Variants in NEMP1 observed in about 807,000 individuals in gnomAD.
The protein encoded by NEMP1 is transmembrane protein 194.
A neutral mutation model predicts 53.7 loss-of-function variants in NEMP1; 29 were observed. The ratio of observed to expected loss-of-function variants is 0.54; its 90% CI spans 0.40 to 0.74. NEMP1 has a LOEUF of 0.74. NEMP1 is among the 30% of genes least tolerant of loss of function. The probability of loss-of-function intolerance (pLI) is 0.00; values close to 1 mark genes in which losing one functional copy is unlikely to be tolerated. For synonymous variants in NEMP1, 193 were observed against 192.9 expected (o/e 1.00, Z 0.00); for missense variants, 477 against 528.6 (o/e 0.90, Z 0.96).
chr12:57,083,505 T>C (rs1048102292), upstream of NEMP1, among the ~76,000 whole-genome samples: 8 of 152,198 alleles, frequency 5.3e-5, no homozygotes, highest in Admixed American at 1.3e-4. Context: ...GAAATCTGGA[T>C]GGTTAATGTG....
At chr12:57,061,822 C>T (rs761212471) in intron 7 of NEMP1, among the ~76,000 whole-genome samples, 3 of 151,394 alleles carry the variant, frequency 2.0e-5, no homozygotes, top group South Asian at 2.1e-4. Context: ...CATAGTGAAA[C>T]GCCATCTCTA....
chr12:57,063,215 C>A lies in NEMP1; in HGVS notation c.884G>T (p.Gly295Val), dbSNP rs2136486286. The A allele has an allele frequency of 6.2e-7, 1 of 1,614,132 alleles. No individual in the cohort carries two copies. ...QLMGLCFMYS[G>V]IQIPHIALAI... The stretch of plus-strand genomic sequence containing the variant: ...AAGGGCAATATGTGGTATCTGGATG[C>A]CAGAATACATGAAACACAGGCCCAT... Residue 295 changes from glycine to valine, a missense_variant, in exon 7 of 9, where the codon GGC (glycine) becomes GTC (valine). Physicochemically the swap from Gly to Val is moderately radical, Grantham distance 109. Transcript: ENST00000300128.
chr12:57,072,863 T>G lies in NEMP1; in HGVS notation c.177A>C (p.Glu59Asp). ...AACAGAATTGTTGGCTGGCACGCTT[T>G]TCACAAACTTGGGATTCCTGAAGCA... ...VVMLQESQVC[E>D]KRASQQFCYT... Residue 59 changes from glutamate (E) to aspartate (D), a missense_variant, in exon 2 of 9, where the codon GAA becomes GAC. Coordinates refer to ENST00000300128, the MANE Select transcript of NEMP1 (RefSeq NM_001130963.2). 6.2e-7 allele frequency: 1 copy of G among 1,613,708 alleles called. No homozygotes were observed. Among genetic ancestry groups the G allele is most frequent in the East Asian group, 2.2e-5 (1 of 44,854 alleles).
Position 57,077,868 on chromosome 12 carries a change from G to C in NEMP1, c.127+751C>G, listed in dbSNP as rs541999479. On this transcript the variant is annotated intron_variant, in intron 1 of 8. Transcript: ENST00000300128. ...GAGGGCCAAGGCGGATGGATCACGA[G>C]GTCAGGAGTTCGAGACCACCCTGGC... Among the ~76,000 whole-genome samples, 25 of 152,200 alleles carry C rather than the reference G, an allele frequency of 1.6e-4. 1 individual carries two copies. In the East Asian group the frequency reaches 3.9e-3, roughly 24 times the overall value.
rs762119893 is a variant in NEMP1 at position 57,070,734 on chromosome 12, T to TTTTTGTGCTG, written c.402_411dup (p.Thr138GlnfsTer9). On this transcript the variant is annotated frameshift_variant, in exon 3 of 9. Transcript: ENST00000300128. LOFTEE classifies it high-confidence loss of function. ...TCTATAATCTCAACTTTGAGGCAGGTTTTTGTGCTGTATAGACCCACGTTA... is the reference window on the plus strand; with the variant it reads ...TCTATAATCTCAACTTTGAGGCAGGTTTTTGTGCTGTTTTGTGCTGTATAGACCCACGTTA... 1 of 1,577,328 alleles carries TTTTTGTGCTG rather than the reference T, an allele frequency of 6.3e-7. No individual in the cohort carries two copies. Among genetic ancestry groups the TTTTTGTGCTG allele is most frequent in the African/African-American group, 1.4e-5 (1 of 73,540 alleles).
rs770112669 is a variant in NEMP1 at position 57,056,369 on chromosome 12, GA to G, written c.*3509del. The stretch of plus-strand genomic sequence containing the variant: ...AATCAATTTCTGCTATGTAGAAAAA[GA>G]AACAAAAGGTTTAGGTGCCTTTGCC... On this transcript the variant is annotated 3_prime_UTR_variant, in exon 9 of 9. Coordinates refer to ENST00000300128, the MANE Select transcript of NEMP1 (RefSeq NM_001130963.2). 2.0e-5 allele frequency: 3 copies of G among 152,142 alleles called. No homozygotes were observed. Among genetic ancestry groups the G allele is most frequent in the Non-Finnish European group, 4.4e-5 (3 of 68,002 alleles). 9.4% of individuals were successfully genotyped at this position (152,142 alleles called of 1,614,324 possible).
At chr12:57,080,091 C>T (rs984668498), upstream of NEMP1, among the ~76,000 whole-genome samples, 1 of 152,176 alleles carries the variant, frequency 6.6e-6, no homozygotes, top group Admixed American at 6.5e-5. Flanking sequence ...TCCCAAGTAG[C>T]TGGGACTACA....
rs776447724 is a variant in NEMP1, at chr12:57,078,689, G to A, written c.57C>T (p.Gly19=). 2 of 1,613,484 alleles carry A rather than the reference G, an allele frequency of 1.2e-6. No homozygotes were observed. The highest frequency in any genetic ancestry group is 1.7e-5 in the Admixed American group (1 of 59,950). Residue 19 remains glycine, a synonymous_variant, in exon 1 of 9, where the codon GGC becomes GGT. Coordinates refer to ENST00000300128, the MANE Select transcript of NEMP1 (RefSeq NM_001130963.2). Reference sequence around the variant, plus strand: ...CTGTCCCACCGCCCCCGACTCCCGAGCCCCAGGGCCCGGGACCAACTGCCG... The same window carrying A: ...CTGTCCCACCGCCCCCGACTCCCGAACCCCAGGGCCCGGGACCAACTGCCG... ...VSPAVGPGPW[G]SGVGGGGTVR...
rs1214265565 is a variant in NEMP1 at position 57,064,092 on chromosome 12, A to T, written c.733T>A (p.Cys245Ser). ...VFKNLQEIWRCYWQYLLSYVL... is the reference protein window; with the variant it reads ...VFKNLQEIWRSYWQYLLSYVL... ...TTACTTAAAAGATACTGCCAGTAAC[A>T]CCTCCAGATCTCTTGTAAATTTTTA... Residue 245 changes from cysteine to serine, a missense_variant, in exon 6 of 9, where the codon TGT (cysteine) becomes AGT (serine). Physicochemically the swap from Cys to Ser is moderately radical, Grantham distance 112 (BLOSUM62 -1). Coordinates refer to ENST00000300128, the MANE Select transcript of NEMP1 (RefSeq NM_001130963.2). 18 of 1,605,942 alleles carry T rather than the reference A, an allele frequency of 1.1e-5. No homozygotes were observed. The highest frequency in any genetic ancestry group is 1.5e-5 in the Non-Finnish European group (18 of 1,175,520).
At chr12:57,070,012 T>C (rs1025134075) in intron 3 of NEMP1, among the ~76,000 whole-genome samples, 1 of 152,052 alleles carries the variant, frequency 6.6e-6, no homozygotes, top group African/African-American at 2.4e-5. Context: ...ACCTATTTCA[T>C]ACTAAACCTA....
rs113696895 is a variant in NEMP1 at position 57,077,358 on chromosome 12, C to T, written c.127+1261G>A. On this transcript the variant is annotated intron_variant, in intron 1 of 8. Transcript: ENST00000300128. ...AAAAAAAAAAAAAAAATTAGCCGGGCGTGGTGGCGGGCAAGTGTAATCCCA... is the reference window on the plus strand; with the variant it reads ...AAAAAAAAAAAAAAAATTAGCCGGGTGTGGTGGCGGGCAAGTGTAATCCCA... Among the ~76,000 whole-genome samples the T allele has an allele frequency of 3.4e-3, 504 of 150,232 alleles. 2 individuals carry two copies. The highest frequency in any genetic ancestry group is 0.012 in the African/African-American group (477 of 40,838).
At chr12:57,064,952 C>T (rs1473640791) in intron 4 of NEMP1, among the ~76,000 whole-genome samples, 1 of 152,152 alleles carries the variant, frequency 6.6e-6, no homozygotes, top group Admixed American at 6.5e-5. Context: ...TTTGGTTTCC[C>T]ACTGCATATA....
intron 4 of NEMP1, 131 bp from the exon 5 acceptor site, chr12:57,064,870 AT>A: frequency 1.7e-6 from 1 of 602,902 alleles, no homozygotes; most frequent in Non-Finnish European, 2.7e-6. Flanking sequence ...CATCAGAGAC[AT>A]TTCAAATTTG....
At chr12:57,062,066 T>A (rs1298780137) in intron 7 of NEMP1, among the ~76,000 whole-genome samples, 1 of 152,196 alleles carries the variant, frequency 6.6e-6, no homozygotes, top group Non-Finnish European at 1.5e-5. Flanking sequence ...CTATCTATAA[T>A]AGACAACTTC....
In NEMP1 at chr12:57,056,647, G is replaced by A. The variant is rs2031538480; in HGVS notation, c.*3232C>T. ...GTACACAGCTAGGAACCATTTTTAC[G>A]TAGGCATCCATCTGAGCCCATCTTG... On this transcript the variant is annotated 3_prime_UTR_variant, in exon 9 of 9. Transcript: ENST00000300128. The A allele has an allele frequency of 6.6e-6, 1 of 151,800 alleles. No individual in the cohort carries two copies. The highest frequency in any genetic ancestry group is 2.4e-5 in the African/African-American group (1 of 41,312). 9.4% of individuals were successfully genotyped at this position (151,800 alleles called of 1,614,324 possible).
At chr12:57,084,829 C>CA (rs1443261833) in intron 1 of NEMP1, among the ~76,000 whole-genome samples, 3 of 152,062 alleles carry the variant, frequency 2.0e-5, no homozygotes, top group African/African-American at 7.2e-5. Flanking sequence ...AGGAATTTGA[C>CA]AGAGAAATTT....
Position 57,058,226 on chromosome 12 carries a change from C to T in NEMP1, c.*1653G>A, listed in dbSNP as rs185576186. The T allele has an allele frequency of 1.3e-5, 2 of 152,328 alleles. No individual in the cohort carries two copies. The highest frequency in any genetic ancestry group is 3.9e-4 in the East Asian group (2 of 5,184). The allele number at this position is 152,328 out of a possible 1,614,324, so 9.4% of individuals were successfully genotyped here. A position where few individuals can be genotyped will look rare whatever the true frequency, so the allele number is the denominator to read the frequency against. On this transcript the variant is annotated 3_prime_UTR_variant, in exon 9 of 9. Transcript: ENST00000300128. ...AAACACTGGTGGAAATAATCAACTG[C>T]CCACCTGGAGGGCAGTCTCAGAGCT...
chr12:57,080,942 A>G (rs1372460637), upstream of NEMP1, among the ~76,000 whole-genome samples: 1 of 152,082 alleles, frequency 6.6e-6, no homozygotes, highest in Non-Finnish European at 1.5e-5. Context: ...GGGCAAGAGA[A>G]GAGATTTCAT....
In NEMP1 at chr12:57,070,733, G is replaced by C. The variant is rs2032305251; in HGVS notation, c.413C>G (p.Thr138Ser). ...CTCTATAATCTCAACTTTGAGGCAG[G>C]TTTTTGTGCTGTATAGACCCACGTT... ...YVNVGLYSTK[T>S]CLKVEIIEKD... Residue 138 changes from threonine to serine, a missense_variant, in exon 3 of 9, where the codon ACC (threonine) becomes AGC (serine). Thr to Ser is a moderately conservative substitution (Grantham distance 58, BLOSUM62 1). Transcript: ENST00000300128. The C allele has an allele frequency of 6.3e-7, 1 of 1,577,160 alleles. No individual in the cohort carries two copies. The highest frequency in any genetic ancestry group is 1.4e-5 in the African/African-American group (1 of 73,648).
Sources: allele counts gnomAD v4.1 joint callset (sites outside exome capture counted in the v4.1 genomes callset), GRCh38; gene constraint gnomAD v4.1.1; transcripts MANE v1.5; gene names NCBI Gene and HGNC (gene_info 2026-07-23, HGNC 2026-07-21).